Variants in PIP4K2A observed in about 807,000 individuals in gnomAD.
PIP4K2A encodes the protein phosphatidylinositol-5-phosphate 4-kinase type 2 alpha.
Under a neutral mutation model 42.9 loss-of-function variants are expected in PIP4K2A, and 14 were observed. The ratio of observed to expected loss-of-function variants is 0.33; its 90% CI spans 0.22 to 0.51. PIP4K2A has a LOEUF of 0.51. Ranked by LOEUF, PIP4K2A falls within the 20% of genes least tolerant of loss-of-function variation. The pLI is 0.97. For missense variants in PIP4K2A, 434 were observed against 519.8 expected, an observed-to-expected ratio of 0.83 and a Z score of 1.61; for synonymous variants, 192 against 192.2, an observed-to-expected ratio of 1.00 and a Z score of 0.01.
chr10:22,564,247 G>A (rs190901542), intron 6 of PIP4K2A, among the ~76,000 whole-genome samples: 1 of 152,150 alleles, frequency 6.6e-6, no homozygotes, highest in South Asian at 2.1e-4. Flanking sequence ...CTCTCTGTGT[G>A]CCCTTGTTTT....
chr10:22,684,078 C>G (rs904658136), intron 1 of PIP4K2A, among the ~76,000 whole-genome samples: 3 of 152,072 alleles, frequency 2.0e-5, no homozygotes, highest in African/African-American at 4.8e-5. Context: ...TTTTTCCCCC[C>G]CTTAAATGCA....
chr10:22,573,196 TG>T, intron 5 of PIP4K2A, 114 bp downstream of exon 5: 3 of 897,424 alleles, frequency 3.3e-6, no homozygotes, highest in Non-Finnish European at 3.5e-6. Flanking sequence ...GCTACTTGTC[TG>T]GTAGCTTTAA....
chr10:22,712,904 T>C (rs1413154622), intron 1 of PIP4K2A, among the ~76,000 whole-genome samples: 1 of 147,524 alleles, frequency 6.8e-6, no homozygotes, highest in East Asian at 1.9e-4. Flanking sequence ...ACAACTTCAC[T>C]ACATTGAGGG....
chr10:22,537,227 C>A lies in PIP4K2A; in HGVS notation c.1195G>T (p.Asp399Tyr). 1 of 1,606,562 alleles carries A rather than the reference C, an allele frequency of 6.2e-7. No homozygotes were observed. Among genetic ancestry groups the A allele is most frequent in the South Asian group, 1.1e-5 (1 of 89,716 alleles). Residue 399 changes from aspartate to tyrosine, a missense_variant, in exon 10 of 10, where the codon GAC becomes TAC. This residue lies in a region of PIP4K2A where 39 missense variants were observed against 75.3 expected (regional missense o/e 0.52). Transcript: ENST00000376573. Reference protein sequence around the residue: ...NPEQYSKRFLDFIGHILT With the variant: ...NPEQYSKRFLYFIGHILT ...TACGTCAAGATGTGGCCAATAAAGT[C>A]CAAAAAGCGCTTTGAATACTGTTCT...
intron 1 of PIP4K2A, chr10:22,659,804 CCCTCCCACTCCGCGCCCCT>C (rs1316932668): frequency 6.6e-6 from 1 of 152,000 alleles, no homozygotes; most frequent in East Asian, 1.9e-4. Flanking sequence ...AAGATTCCAA[CCCTCCCACTCCGCGCCCCT>C]CCTCCCACCC....
rs545310785 is a variant in PIP4K2A, at chr10:22,569,239, C to T, written c.640-1350G>A. Among the ~76,000 whole-genome samples, 102 of 152,346 alleles carry T rather than the reference C, an allele frequency of 6.7e-4. 2 individuals carry two copies. The highest frequency in any genetic ancestry group is 2.4e-3 in the African/African-American group (101 of 41,584). On this transcript the variant is annotated intron_variant, in intron 5 of 9. Coordinates refer to ENST00000376573, the MANE Select transcript of PIP4K2A (RefSeq NM_005028.5). ...GGGCCGATCTTCCATCCCCCTGGTGCTCAGTGCCCCCAGGACTGGAAGATC... is the reference window on the plus strand; with the variant it reads ...GGGCCGATCTTCCATCCCCCTGGTGTTCAGTGCCCCCAGGACTGGAAGATC...
At chr10:22,587,122 T>G (rs185129114) in intron 4 of PIP4K2A, among the ~76,000 whole-genome samples, 15 of 152,136 alleles carry the variant, frequency 9.9e-5, no homozygotes, top group Non-Finnish European at 1.5e-4. Flanking sequence ...TATTCAAATA[T>G]TCAAATAACT....
chr10:22,536,192 C>A lies in PIP4K2A; in HGVS notation c.*1009G>T. Reference sequence around the variant, plus strand: ...GGTCAAACATAAACATCTTATAATTCAGATCTGCATTTGGTAACAGGAGAA... The same window carrying A: ...GGTCAAACATAAACATCTTATAATTAAGATCTGCATTTGGTAACAGGAGAA... On this transcript the variant is annotated 3_prime_UTR_variant, in exon 10 of 10. Transcript: ENST00000376573. 2.5e-6 allele frequency: 1 copy of A among 398,370 alleles called. No homozygotes were observed. Among genetic ancestry groups the A allele is most frequent in the South Asian group, 1.3e-4 (1 of 7,776 alleles). 24.7% of individuals were successfully genotyped at this position (398,370 alleles called of 1,614,324 possible).
At chr10:22,581,869 T>A (rs905285299) in intron 4 of PIP4K2A, among the ~76,000 whole-genome samples, 1 of 152,166 alleles carries the variant, frequency 6.6e-6, no homozygotes, top group Non-Finnish European at 1.5e-5. Flanking sequence ...ATCCCAGCAC[T>A]GGGAGGTTGA....
chr10:22,641,000 T>A (rs2031219277), intron 1 of PIP4K2A, among the ~76,000 whole-genome samples: 1 of 152,224 alleles, frequency 6.6e-6, no homozygotes, highest in African/African-American at 2.4e-5. Context: ...AAAAAAAATT[T>A]AATGCCTCCA....
intron 6 of PIP4K2A, among the ~76,000 whole-genome samples, chr10:22,553,504 T>C (rs1165083416): frequency 1.3e-5 from 2 of 151,968 alleles, no homozygotes; most frequent in East Asian, 1.9e-4. Context: ...CTATCATCTA[T>C]CTTCAGTCTT....
chr10:22,663,416 G>A (rs184934114), intron 1 of PIP4K2A, among the ~76,000 whole-genome samples: 1 of 152,236 alleles, frequency 6.6e-6, no homozygotes, highest in Admixed American at 6.5e-5. Flanking sequence ...ATGGTTGGTT[G>A]TTTGGCTTTT....
At chr10:22,709,472 G>C (rs1034547255) in intron 1 of PIP4K2A, among the ~76,000 whole-genome samples, 21 of 152,138 alleles carry the variant, frequency 1.4e-4, no homozygotes, top group African/African-American at 5.1e-4. Flanking sequence ...TCCAAAATTT[G>C]TATTTCGAAG....
At chr10:22,608,828 A>G (rs1252922474) in intron 2 of PIP4K2A, among the ~76,000 whole-genome samples, 1 of 152,176 alleles carries the variant, frequency 6.6e-6, no homozygotes, top group Non-Finnish European at 1.5e-5. Flanking sequence ...AGTGAGATAT[A>G]ATTTCACCAC....
At chr10:22,618,714 C>T (rs1004158400) in intron 1 of PIP4K2A, among the ~76,000 whole-genome samples, 11 of 152,190 alleles carry the variant, frequency 7.2e-5, no homozygotes, top group Non-Finnish European at 1.5e-5. Flanking sequence ...AGCTGAGAAG[C>T]AGAGACAATA....
intron 1 of PIP4K2A, among the ~76,000 whole-genome samples, chr10:22,610,843 A>G (rs1838018393): frequency 6.6e-6 from 1 of 152,192 alleles, no homozygotes; most frequent in African/African-American, 2.4e-5. Flanking sequence ...GGTGGAAGTA[A>G]ATGTAAATGA....
At chr10:22,685,905 T>C (rs1241919453) in intron 1 of PIP4K2A, among the ~76,000 whole-genome samples, 1 of 152,190 alleles carries the variant, frequency 6.6e-6, no homozygotes, top group African/African-American at 2.4e-5. Context: ...ACCTATTTTG[T>C]TGTTTGTAAT....
intron 2 of PIP4K2A, among the ~76,000 whole-genome samples, chr10:22,608,845 C>T (rs911403765): frequency 1.3e-5 from 2 of 152,164 alleles, no homozygotes; most frequent in East Asian, 3.8e-4. Context: ...CCACTGCACA[C>T]CAGCCTGAGC....
At chr10:22,713,268 T>C (rs987770672) in intron 1 of PIP4K2A, among the ~76,000 whole-genome samples, 2 of 152,062 alleles carry the variant, frequency 1.3e-5, no homozygotes, top group African/African-American at 4.8e-5. Context: ...CATCCTCCAA[T>C]CCCCGACTGT....
Sources: gnomAD v4.1 joint callset for allele counts (sites outside exome capture counted in the v4.1 genomes callset) on GRCh38, gnomAD v4.1.1 for gene constraint, gnomAD v4.1.1 regional missense constraint, MANE v1.5 for transcripts, NCBI Gene and HGNC (gene_info 2026-07-23, HGNC 2026-07-21) for gene names.